The following CELF4 variants were observed in gnomAD, a reference collection of about 807,000 sequenced individuals.
The protein encoded by CELF4 is CUG-BP- and ETR-3-like factor 4.
A neutral mutation model predicts 59.9 loss-of-function variants in CELF4; 18 were observed. The observed-to-expected ratio is 0.30, with a 90% confidence interval of 0.21 to 0.45. The LOEUF is 0.45. CELF4 is among the 20% of genes least tolerant of loss of function. CELF4 has a pLI of 1.00. For missense variants in CELF4, 456 were observed against 689.0 expected, an observed-to-expected ratio of 0.66 and a Z score of 3.79; for synonymous variants, 261 against 267.1, an observed-to-expected ratio of 0.98 and a Z score of 0.22.
intron 3 of CELF4, among the ~76,000 whole-genome samples, chr18:37,278,705 G>T (rs2093721193): frequency 6.6e-6 from 1 of 152,204 alleles, no homozygotes; most frequent in Admixed American, 6.5e-5. Context: ...GCCCTGCCTT[G>T]GTTTGGCCTG....
At chr18:37,331,092 C>T (rs996874025) in intron 2 of CELF4, among the ~76,000 whole-genome samples, 2 of 152,150 alleles carry the variant, frequency 1.3e-5, no homozygotes, top group African/African-American at 2.4e-5. Context: ...GGACACATAC[C>T]GGCACGTAGG....
At position 37,379,517 on chromosome 18, in the gene CELF4, A is replaced by AG. The variant is rs2099012232; in HGVS notation, c.370-57637_370-57636insC. ...ATAAGAGGCCATAAGCAAAAAAAAA[A>AG]AAAAAAAAAAAAAAAGGTACTATCC... On this transcript the variant is annotated intron_variant, in intron 2 of 12. Coordinates refer to ENST00000420428, the MANE Select transcript of CELF4 (RefSeq NM_020180.4). Among the ~76,000 whole-genome samples, 5 of 150,660 alleles carry AG rather than the reference A, an allele frequency of 3.3e-5. No individual in the cohort carries two copies. The South Asian group carries it at 1.1e-3, about 32-fold the overall frequency.
chr18:37,398,779 C>T (rs888805132), intron 2 of CELF4, among the ~76,000 whole-genome samples: 5 of 152,106 alleles, frequency 3.3e-5, no homozygotes, highest in East Asian at 1.9e-4. Context: ...TGCGATCACT[C>T]GAGATCGCAC....
intron 3 of CELF4, among the ~76,000 whole-genome samples, chr18:37,319,417 G>C (rs983867200): frequency 6.6e-6 from 1 of 152,228 alleles, no homozygotes; most frequent in Non-Finnish European, 1.5e-5. Context: ...GTGCGTCTAT[G>C]CCCTGGGGCA....
intron 3 of CELF4, among the ~76,000 whole-genome samples, chr18:37,299,400 G>A (rs1381140277): frequency 6.6e-6 from 1 of 152,202 alleles, no homozygotes; most frequent in African/African-American, 2.4e-5. Flanking sequence ...TCACCTCTGG[G>A]CAGGGATGCT....
At chr18:37,433,974 G>C (rs1349076985) in intron 2 of CELF4, among the ~76,000 whole-genome samples, 1 of 152,192 alleles carries the variant, frequency 6.6e-6, no homozygotes, top group Non-Finnish European at 1.5e-5. Context: ...ACCCAGGCCT[G>C]TGTGGCAGAA....
At chr18:37,540,156 G>T (rs1342554356) in intron 1 of CELF4, among the ~76,000 whole-genome samples, 1 of 152,138 alleles carries the variant, frequency 6.6e-6, no homozygotes, top group African/African-American at 2.4e-5. Context: ...GCTCTGGAGT[G>T]CCTGTGAGAG....
intron 1 of CELF4, among the ~76,000 whole-genome samples, chr18:37,495,630 A>G (rs891398611): frequency 1.3e-5 from 2 of 152,040 alleles, no homozygotes; most frequent in Middle Eastern, 3.2e-3. Flanking sequence ...AGTGGCAGAG[A>G]ATTCCCCTTG....
chr18:37,420,154 G>T (rs960303022), intron 2 of CELF4, among the ~76,000 whole-genome samples: 2 of 152,180 alleles, frequency 1.3e-5, no homozygotes, highest in African/African-American at 4.8e-5. Flanking sequence ...AAAATAGAAG[G>T]AGCTGCAGGG....
chr18:37,530,393 C>G (rs972823850), intron 1 of CELF4, among the ~76,000 whole-genome samples: 1 of 152,062 alleles, frequency 6.6e-6, no homozygotes, highest in African/African-American at 2.4e-5. Context: ...GCCATCACCC[C>G]GTGCTTTTCT....
At chr18:37,436,184 C>T (rs748652726) in intron 2 of CELF4, among the ~76,000 whole-genome samples, 13 of 152,210 alleles carry the variant, frequency 8.5e-5, no homozygotes, top group Non-Finnish European at 1.8e-4. Context: ...ACAGGCCTGG[C>T]GCTGGCTCGC....
At chr18:37,270,611 A>G (rs2090690724) in intron 8 of CELF4, among the ~76,000 whole-genome samples, 157 bp downstream of exon 8, 1 of 152,214 alleles carries the variant, frequency 6.6e-6, no homozygotes, top group Non-Finnish European at 1.5e-5. Flanking sequence ...GGCTCCCTGA[A>G]GGAAGATGGG....
chr18:37,406,912 G>A (rs559652154), intron 2 of CELF4, among the ~76,000 whole-genome samples: 1 of 152,108 alleles, frequency 6.6e-6, no homozygotes, highest in Non-Finnish European at 1.5e-5. Context: ...GTCTAGGAGC[G>A]GGTGAAGGAG....
At chr18:37,274,159 A>G in intron 6 of CELF4, 152 bp downstream of exon 6, 1 of 1,464,766 alleles carries the variant, frequency 6.8e-7, no homozygotes, top group Non-Finnish European at 8.9e-7. Flanking sequence ...CTGAAGTTAA[A>G]CCCCCCAGGT....
chr18:37,423,605 A>G (rs896070703), intron 2 of CELF4, among the ~76,000 whole-genome samples: 1 of 152,112 alleles, frequency 6.6e-6, no homozygotes, highest in Non-Finnish European at 1.5e-5. Context: ...CAGCAATGGC[A>G]GGTGGGCGAA....
chr18:37,301,187 G>A (rs1388988439), intron 3 of CELF4, among the ~76,000 whole-genome samples: 2 of 152,202 alleles, frequency 1.3e-5, no homozygotes, highest in African/African-American at 2.4e-5. Context: ...AAGCAGCCAA[G>A]CTTGGTGGAG....
chr18:37,449,772 A>G (rs1240424151), intron 2 of CELF4, among the ~76,000 whole-genome samples: 2 of 152,234 alleles, frequency 1.3e-5, no homozygotes, highest in Non-Finnish European at 2.9e-5. Context: ...CTGAGAGCAG[A>G]GCTTTCCAGG....
At chr18:37,532,312 G>A (rs1333928754) in intron 1 of CELF4, among the ~76,000 whole-genome samples, 3 of 152,174 alleles carry the variant, frequency 2.0e-5, no homozygotes, top group Non-Finnish European at 4.4e-5. Flanking sequence ...GTGTTCCTGT[G>A]GCAGTTTGGG....
At chr18:37,392,040 C>G (rs2154577902) in intron 2 of CELF4, among the ~76,000 whole-genome samples, 1 of 152,348 alleles carries the variant, frequency 6.6e-6, no homozygotes, top group South Asian at 2.1e-4. Context: ...GTCACCAGAA[C>G]CGAATTCAGG....
Sources: gnomAD v4.1 joint callset for allele counts (sites outside exome capture counted in the v4.1 genomes callset) on GRCh38, gnomAD v4.1.1 for gene constraint, MANE v1.5 for transcripts, NCBI Gene and HGNC (gene_info 2026-07-23, HGNC 2026-07-21) for gene names.